Variants in DOCK2 observed in about 807,000 individuals in gnomAD.
DOCK2 encodes dedicator of cytokinesis protein 2.
Under a neutral mutation model 248.9 loss-of-function variants are expected in DOCK2, and 87 were observed. The observed-to-expected ratio is 0.35, with a 90% CI of 0.29 to 0.42. The LOEUF is 0.42. DOCK2 is among the 10% of genes least tolerant of loss of function. The pLI, the probability that DOCK2 is intolerant of heterozygous loss-of-function variation, is 1.00. For synonymous variants in DOCK2, 805 were observed against 821.6 expected (o/e 0.98, Z 0.35); for missense variants, 1,747 against 2,300.2 (o/e 0.76, Z 4.92).
intron 7 of DOCK2, among the ~76,000 whole-genome samples, chr5:169,683,813 T>C (rs1759804204): frequency 6.6e-6 from 1 of 152,254 alleles, no homozygotes; most frequent in Non-Finnish European, 1.5e-5. Context: ...GTTATTTGTA[T>C]GTTCTAGATA....
intron 27 of DOCK2, among the ~76,000 whole-genome samples, chr5:169,947,311 A>C (rs1776488977): frequency 6.6e-6 from 1 of 152,248 alleles, no homozygotes; most frequent in Non-Finnish European, 1.5e-5. Flanking sequence ...GGGTCTTGGA[A>C]TAGGACAGAA....
chr5:169,691,600 G>A (rs1415829021), intron 9 of DOCK2, among the ~76,000 whole-genome samples: 7 of 152,202 alleles, frequency 4.6e-5, no homozygotes, highest in Non-Finnish European at 1.0e-4. Context: ...TGATGTGATG[G>A]TATGTGACTG....
At chr5:169,938,965 G>C (rs182068087) in intron 27 of DOCK2, among the ~76,000 whole-genome samples, 91 of 150,302 alleles carry the variant, frequency 6.1e-4, no homozygotes, top group African/African-American at 2.1e-3. Context: ...GTACAGTGGC[G>C]TGATCTCGGC....
intron 46 of DOCK2, among the ~76,000 whole-genome samples, chr5:170,075,123 C>A (rs1422903226): frequency 6.6e-6 from 1 of 152,204 alleles, no homozygotes; most frequent in African/African-American, 2.4e-5. Context: ...CTTTATGTCA[C>A]CATCATGAAA....
At chr5:169,942,399 G>A (rs1355652022) in intron 27 of DOCK2, among the ~76,000 whole-genome samples, 1 of 152,168 alleles carries the variant, frequency 6.6e-6, no homozygotes, top group Non-Finnish European at 1.5e-5. Context: ...ACAAGTTTGT[G>A]GAGCTGACAC....
chr5:169,676,719 G>A (rs1257051101), intron 6 of DOCK2, among the ~76,000 whole-genome samples: 4 of 152,174 alleles, frequency 2.6e-5, no homozygotes, highest in Middle Eastern at 3.2e-3. Flanking sequence ...GAGATTGGGT[G>A]GGGGTGGCAC....
chr5:170,069,272 C>T (rs1395121939), intron 46 of DOCK2, 52 bp downstream of exon 46: 4 of 1,589,870 alleles, frequency 2.5e-6, no homozygotes, highest in Non-Finnish European at 3.4e-6. Flanking sequence ...TCTCCCCCCA[C>T]CGTGGTTCAC....
At chr5:169,710,612 T>A (rs1295962463) in intron 15 of DOCK2, among the ~76,000 whole-genome samples, 2 of 152,224 alleles carry the variant, frequency 1.3e-5, no homozygotes, top group African/African-American at 2.4e-5. Context: ...TTCAGATATC[T>A]CTGCCTTATC....
rs1561674451 is a variant in DOCK2, at chr5:169,764,902, T to C, written c.2554+3277T>C. Among the ~76,000 whole-genome samples the C allele has an allele frequency of 3.3e-5, 5 of 151,376 alleles. No homozygotes were observed. ...AATTTTTATTGCCCTAGAATGTTTT[T>C]GTAAAGGGGCCATGTTACATATGCC... On this transcript the variant is annotated intron_variant, in intron 25 of 51. Coordinates refer to ENST00000520908, the MANE Select transcript of DOCK2 (RefSeq NM_004946.3). The surrounding 1 kb of genome is among the most constrained non-coding windows in gnomAD (Gnocchi z 4.3).
At chr5:170,070,588 C>T (rs572336172) in intron 46 of DOCK2, among the ~76,000 whole-genome samples, 16 of 152,312 alleles carry the variant, frequency 1.1e-4, no homozygotes, top group African/African-American at 3.6e-4. Flanking sequence ...TAATGATGTT[C>T]TCCCTTAGCA....
chr5:170,009,851 G>A (rs1755215547), intron 32 of DOCK2, among the ~76,000 whole-genome samples: 2 of 152,166 alleles, frequency 1.3e-5, no homozygotes, highest in East Asian at 1.9e-4. Flanking sequence ...CATCAGACTC[G>A]AGCTAAGAGA....
intron 26 of DOCK2, among the ~76,000 whole-genome samples, chr5:169,816,652 C>G (rs1019276249): frequency 6.6e-6 from 1 of 152,150 alleles, no homozygotes; most frequent in Non-Finnish European, 1.5e-5. Context: ...TTCCTTCACT[C>G]TGGAAGGGAT....
intron 27 of DOCK2, among the ~76,000 whole-genome samples, chr5:169,844,090 A>C (rs753983062): frequency 2.0e-5 from 3 of 152,230 alleles, no homozygotes; most frequent in Non-Finnish European, 2.9e-5. Context: ...GCTGGGGCAT[A>C]TGGGAACTGT....
At chr5:170,034,365 C>T in intron 34 of DOCK2, 34 bp from the exon 35 acceptor site, 1 of 1,611,858 alleles carries the variant, frequency 6.2e-7, no homozygotes, top group Non-Finnish European at 8.5e-7. Context: ...TTCTCCCCAG[C>T]CATGAGCTCA....
chr5:169,922,976 T>C (rs1287625257), intron 27 of DOCK2, among the ~76,000 whole-genome samples: 4 of 152,262 alleles, frequency 2.6e-5, no homozygotes, highest in Admixed American at 6.5e-5. Context: ...TATCGAATTG[T>C]GAATTTCTCT....
Position 169,658,980 on chromosome 5 carries a change from CATTATTATTATTATTATTATT to C in DOCK2, c.127+4528_127+4548del, listed in dbSNP as rs200506411. ...TATTTGCTTCCAATCTACAAGACTG[CATTATTATTATTATTATTATT>C]ATTATTATTATTATTATTATTATTA... On this transcript the variant is annotated intron_variant, in intron 2 of 51. Coordinates refer to ENST00000520908, the MANE Select transcript of DOCK2 (RefSeq NM_004946.3). Among the ~76,000 whole-genome samples the C allele has an allele frequency of 3.5e-3, 476 of 136,250 alleles. 2 individuals are homozygous for C. Among genetic ancestry groups the C allele is most frequent in the African/African-American group, 0.011 (386 of 36,444 alleles). 89.4% of individuals were successfully genotyped at this position (136,250 alleles called of 152,430 possible).
At chr5:169,692,145 C>T (rs1046404188) in intron 9 of DOCK2, among the ~76,000 whole-genome samples, 12 of 152,160 alleles carry the variant, frequency 7.9e-5, no homozygotes, top group African/African-American at 2.9e-4. Context: ...TGAGCCACTG[C>T]TCCTGGCCCT....
In DOCK2 at chr5:170,080,346, G is replaced by A. The variant is rs1024597123; in HGVS notation, c.5287+63G>A. ...ATAGTGCAGGCCACCAGCCTTGTGG[G>A]TGGAGGATGGATGGGAACTGTGTCT... On this transcript the variant is annotated intron_variant, in intron 50 of 51. Transcript: ENST00000520908. The A allele has an allele frequency of 4.4e-6, 7 of 1,599,828 alleles. No homozygotes were observed. The African/African-American group carries it at 5.4e-5, about 12-fold the overall frequency.
chr5:169,883,627 C>T (rs770222881), intron 27 of DOCK2: 2 of 1,551,428 alleles, frequency 1.3e-6, no homozygotes, highest in Non-Finnish European at 1.7e-6. Flanking sequence ...GTTGCGAAAG[C>T]CCCCTGCCTT....
Sources: allele counts gnomAD v4.1 joint callset (sites outside exome capture counted in the v4.1 genomes callset), GRCh38; gene constraint gnomAD v4.1.1; non-coding constraint Gnocchi (gnomAD v3.1); transcripts MANE v1.5; gene names NCBI Gene and HGNC (gene_info 2026-07-23, HGNC 2026-07-21).